The following AMD1 variants were observed in gnomAD, a reference collection of about 807,000 sequenced individuals.
The protein encoded by AMD1 is adenosylmethionine decarboxylase 1, also known as S-adenosylmethionine decarboxylase proenzyme.
AMD1 carries 11 observed loss-of-function variants against 40.2 expected under a neutral mutation model. The observed-to-expected ratio is 0.27, with a 90% CI of 0.17 to 0.45. AMD1 has a LOEUF of 0.45. Among genes scored for constraint, AMD1 ranks in the 20% least tolerant of loss-of-function variants. AMD1 has a pLI of 1.00. For missense variants in AMD1, 257 were observed against 410.2 expected, an observed-to-expected ratio of 0.63 and a Z score of 3.23; for synonymous variants, 121 against 130.8, an observed-to-expected ratio of 0.93 and a Z score of 0.51.
In AMD1 at chr6:110,892,732, C is replaced by CT. The variant is rs397748331; in HGVS notation, c.616-3_616-2insT. 1 of 1,612,054 alleles carries CT rather than the reference C, an allele frequency of 6.2e-7. No individual in the cohort carries two copies. Among genetic ancestry groups the CT allele is most frequent in the South Asian group, 1.1e-5 (1 of 91,020 alleles). On this transcript the variant is annotated splice_region_variant and splice_polypyrimidine_tract_variant and intron_variant, in intron 6 of 8. Coordinates refer to ENST00000368885, the MANE Select transcript of AMD1 (RefSeq NM_001634.6). Reference sequence around the variant, plus strand: ...GTTAAACTCGGTCTTTTTCCCCCCCCAGGAGAGTGGAATTCGTGACCTGAT... The same window carrying CT: ...GTTAAACTCGGTCTTTTTCCCCCCCCTAGGAGAGTGGAATTCGTGACCTGAT...
intron 4 of AMD1, 112 bp from the exon 5 acceptor site, chr6:110,892,049 C>A: frequency 8.0e-7 from 1 of 1,255,122 alleles, no homozygotes; most frequent in Non-Finnish European, 1.2e-6. Context: ...TGATGGATGA[C>A]ATTTCTAATA....
the AMD1 span, among the ~76,000 whole-genome samples, chr6:110,847,865 C>T: frequency 1.3e-5 from 2 of 151,558 alleles, no homozygotes; most frequent in African/African-American, 4.8e-5. Context: ...GTGCACACCA[C>T]CATGCCCAGC....
At chr6:110,816,739 C>T in the AMD1 span, among the ~76,000 whole-genome samples, 3 of 152,180 alleles carry the variant, frequency 2.0e-5, no homozygotes, top group African/African-American at 7.2e-5. Context: ...GTCTCCACCA[C>T]TCCTGGAAGC....
chr6:110,834,266 G>C, the AMD1 span, among the ~76,000 whole-genome samples: 2 of 152,078 alleles, frequency 1.3e-5, no homozygotes, highest in Admixed American at 1.3e-4. Flanking sequence ...TTGTGCCCCG[G>C]AGTCCCAGGC....
chr6:110,849,193 T>C, the AMD1 span, among the ~76,000 whole-genome samples: 1 of 152,196 alleles, frequency 6.6e-6, no homozygotes, highest in Admixed American at 6.5e-5. Flanking sequence ...ATTGGCGTAT[T>C]CCACACATCT....
the AMD1 span, among the ~76,000 whole-genome samples, chr6:110,867,977 T>G: frequency 6.6e-6 from 1 of 152,182 alleles, no homozygotes; most frequent in South Asian, 2.1e-4. Flanking sequence ...TTAAGTTCAT[T>G]GTTCATCTTT....
the AMD1 span, among the ~76,000 whole-genome samples, chr6:110,862,738 C>T: frequency 7.9e-5 from 12 of 151,370 alleles, no homozygotes; most frequent in African/African-American, 1.7e-4. Flanking sequence ...CCAAACTGCT[C>T]GGATTACAGG....
At chr6:110,824,610 GA>G in the AMD1 span, among the ~76,000 whole-genome samples, 2 of 152,096 alleles carry the variant, frequency 1.3e-5, no homozygotes, top group African/African-American at 4.8e-5. Flanking sequence ...GTTATTTAAT[GA>G]AACCAAATTA....
chr6:110,823,723 T>A, the AMD1 span, among the ~76,000 whole-genome samples: 1 of 152,326 alleles, frequency 6.6e-6, no homozygotes, highest in South Asian at 2.1e-4. Context: ...TAATAGGGTG[T>A]CTTTTCCCTA....
upstream of AMD1, among the ~76,000 whole-genome samples, chr6:110,871,632 G>A (rs527854652): frequency 6.6e-6 from 1 of 152,204 alleles, no homozygotes; most frequent in Non-Finnish European, 1.5e-5. Flanking sequence ...GAGGTCAGTG[G>A]AAAGCTTGAG....
chr6:110,871,939 T>C (rs1784925118), upstream of AMD1, among the ~76,000 whole-genome samples: 1 of 152,132 alleles, frequency 6.6e-6, no homozygotes, highest in Non-Finnish European at 1.5e-5. Flanking sequence ...CCAAGAGCAC[T>C]GCAGCATTGG....
chr6:110,880,481 T>C (rs1206016680), intron 1 of AMD1, among the ~76,000 whole-genome samples: 1 of 152,206 alleles, frequency 6.6e-6, no homozygotes. Flanking sequence ...CTTCTAGGAG[T>C]TTTATTCGCT....
chr6:110,869,428 A>G, the AMD1 span, among the ~76,000 whole-genome samples: 5 of 150,298 alleles, frequency 3.3e-5, no homozygotes, highest in Non-Finnish European at 7.4e-5. Context: ...CACCGCGCCC[A>G]GCCCATTACT....
At chr6:110,853,167 G>A in the AMD1 span, among the ~76,000 whole-genome samples, 4 of 150,214 alleles carry the variant, frequency 2.7e-5, no homozygotes, top group Admixed American at 2.0e-4. Flanking sequence ...CTGTCACTCC[G>A]GCTGGAGCGC....
the AMD1 span, among the ~76,000 whole-genome samples, chr6:110,823,825 T>A: frequency 6.6e-6 from 1 of 152,052 alleles, no homozygotes; most frequent in African/African-American, 2.4e-5. Context: ...AAGTGAGAGA[T>A]CTCAACAACA....
At chr6:110,877,917 T>C (rs1255005508) in intron 1 of AMD1, among the ~76,000 whole-genome samples, 1 of 152,062 alleles carries the variant, frequency 6.6e-6, no homozygotes, top group African/African-American at 2.4e-5. Flanking sequence ...ATTAAGAGAA[T>C]GAAAGGCTTA....
the AMD1 span, among the ~76,000 whole-genome samples, chr6:110,830,052 G>A: frequency 1.3e-5 from 2 of 151,844 alleles, no homozygotes; most frequent in Non-Finnish European, 2.9e-5. Flanking sequence ...GTCTGGCTCT[G>A]TCACCAGGCT....
At chr6:110,865,064 C>T in the AMD1 span, among the ~76,000 whole-genome samples, 1 of 152,186 alleles carries the variant, frequency 6.6e-6, no homozygotes, top group African/African-American at 2.4e-5. Flanking sequence ...AAAGACCTTG[C>T]TTTGGAATGT....
chr6:110,822,902 G>A, the AMD1 span, among the ~76,000 whole-genome samples: 2 of 152,040 alleles, frequency 1.3e-5, no homozygotes, highest in African/African-American at 4.8e-5. Flanking sequence ...ATCACCTGGA[G>A]GTCGGGAGTT....
Sources: allele counts gnomAD v4.1 joint callset (sites outside exome capture counted in the v4.1 genomes callset), GRCh38; gene constraint gnomAD v4.1.1; transcripts MANE v1.5; gene names NCBI Gene and HGNC (gene_info 2026-07-23, HGNC 2026-07-21).